Variants in SLC8A1 observed in about 807,000 individuals in gnomAD.
The protein encoded by SLC8A1 is sodium/calcium exchanger 1.
A neutral mutation model predicts 68.3 loss-of-function variants in SLC8A1; 18 were observed. The observed-to-expected ratio is 0.26, with a 90% CI of 0.18 to 0.39. The LOEUF is 0.39. Ranked by LOEUF, SLC8A1 falls within the 10% of genes least tolerant of loss-of-function variation. SLC8A1 has a pLI of 1.00. For missense variants in SLC8A1, 985 were observed against 1,156.7 expected (o/e 0.85, Z 2.15); for synonymous variants, 475 against 415.5 (o/e 1.14, Z -1.74).
intron 2 of SLC8A1, among the ~76,000 whole-genome samples, chr2:40,315,717 A>G (rs1240799883): frequency 1.3e-5 from 2 of 151,998 alleles, no homozygotes; most frequent in Non-Finnish European, 2.9e-5. Flanking sequence ...AAGTCTTTTC[A>G]TGTAGCTAAA....
chr2:40,504,024 T>A (rs1447637554), intron 1 of SLC8A1, among the ~76,000 whole-genome samples: 1 of 151,920 alleles, frequency 6.6e-6, no homozygotes, highest in Non-Finnish European at 1.5e-5. Flanking sequence ...AGAACAAAAC[T>A]GGAGGAATCA....
intron 1 of SLC8A1, among the ~76,000 whole-genome samples, chr2:40,465,274 G>A (rs1189236163): frequency 1.3e-5 from 2 of 152,088 alleles, no homozygotes; most frequent in Admixed American, 6.6e-5. Flanking sequence ...TAGCTTTCAA[G>A]TGTTTTACAG....
rs192292091 is a variant in SLC8A1 at position 40,443,338 on chromosome 2, T to A, written c.-25+8566A>T. 4.2e-3 allele frequency among the ~76,000 whole-genome samples: 640 copies of A among 152,146 alleles called. 2 individuals carry two copies. Among genetic ancestry groups the A allele is most frequent in the African/African-American group, 0.015 (614 of 41,498 alleles). ...GTAAAAATGTGACTATAAAACTAAGTAACAGAGGACTTCACCTACCAGAGT... is the reference window on the plus strand; with the variant it reads ...GTAAAAATGTGACTATAAAACTAAGAAACAGAGGACTTCACCTACCAGAGT... On this transcript the variant is annotated intron_variant, in intron 1 of 7. Transcript: ENST00000406785.
intron 2 of SLC8A1, among the ~76,000 whole-genome samples, chr2:40,403,446 C>T (rs1689356654): frequency 6.6e-6 from 1 of 152,178 alleles, no homozygotes; most frequent in African/African-American, 2.4e-5. Flanking sequence ...TTCTACACAA[C>T]AGGAGCTAAT....
chr2:40,220,265 T>G (rs1358569308), intron 2 of SLC8A1: 1 of 147,838 alleles, frequency 6.8e-6, no homozygotes, highest in Non-Finnish European at 1.5e-5. Context: ...AGAGAAAAAA[T>G]AAATTACAGC....
At chr2:40,318,542 T>A (rs184797121) in intron 2 of SLC8A1, among the ~76,000 whole-genome samples, 3 of 152,040 alleles carry the variant, frequency 2.0e-5, no homozygotes, top group African/African-American at 7.2e-5. Flanking sequence ...GACCAGTAAG[T>A]GATGAAACCA....
In SLC8A1 at chr2:40,332,518, C is replaced by A. The variant is rs552731626; in HGVS notation, c.1808+95955G>T. Among the ~76,000 whole-genome samples the A allele has an allele frequency of 1.1e-4, 16 of 152,292 alleles. No individual in the cohort carries two copies. The South Asian group carries it at 3.3e-3, about 32-fold the overall frequency. On this transcript the variant is annotated intron_variant, in intron 2 of 7. Transcript: ENST00000406785. Reference sequence around the variant, plus strand: ...TGAAAGAACTCCAGTCTTCCCTCAACTTCCTTATTCTGACCTTGTGCTCTA... The same window carrying A: ...TGAAAGAACTCCAGTCTTCCCTCAAATTCCTTATTCTGACCTTGTGCTCTA...
intron 2 of SLC8A1, among the ~76,000 whole-genome samples, chr2:40,312,792 T>C (rs1477431325): frequency 2.6e-5 from 4 of 152,102 alleles, no homozygotes; most frequent in Non-Finnish European, 1.5e-5. Flanking sequence ...TAGAAAACTA[T>C]AGATTAGTTT....
chr2:40,258,841 C>CA (rs1376981556), intron 2 of SLC8A1, among the ~76,000 whole-genome samples: 3 of 149,678 alleles, frequency 2.0e-5, no homozygotes, highest in South Asian at 2.1e-4. Flanking sequence ...GACTCCATCT[C>CA]AAAAAAACAA....
At chr2:40,135,184 C>G (rs1262390332) in intron 7 of SLC8A1, among the ~76,000 whole-genome samples, 1 of 152,152 alleles carries the variant, frequency 6.6e-6, no homozygotes, top group Non-Finnish European at 1.5e-5. Flanking sequence ...TCACATTGGT[C>G]TTGGTAAGAC....
intron 1 of SLC8A1, among the ~76,000 whole-genome samples, chr2:40,447,211 T>G (rs1185692550): frequency 6.6e-6 from 1 of 152,192 alleles, no homozygotes; most frequent in Non-Finnish European, 1.5e-5. Context: ...TAATACATAT[T>G]GCAGAATGAT....
chr2:40,497,376 A>G (rs1313183997), intron 1 of SLC8A1, among the ~76,000 whole-genome samples: 1 of 152,068 alleles, frequency 6.6e-6, no homozygotes, highest in Non-Finnish European at 1.5e-5. Flanking sequence ...AGTAAGATTG[A>G]TATACACCCT....
chr2:40,305,432 G>T (rs528817348), intron 2 of SLC8A1, among the ~76,000 whole-genome samples: 2 of 152,136 alleles, frequency 1.3e-5, no homozygotes, highest in Non-Finnish European at 2.9e-5. Context: ...AGTGTCTCTA[G>T]ACATTGCCAG....
At chr2:40,253,831 C>A (rs1255042696) in intron 2 of SLC8A1, among the ~76,000 whole-genome samples, 3 of 59,822 alleles carry the variant, frequency 5.0e-5, no homozygotes, top group African/African-American at 6.4e-5. Context: ...TGTCTGTCTC[C>A]AAAAAAAAAA....
chr2:40,419,776 A>G (rs1410073499), intron 2 of SLC8A1, among the ~76,000 whole-genome samples: 1 of 152,062 alleles, frequency 6.6e-6, no homozygotes, highest in African/African-American at 2.4e-5. Flanking sequence ...TTGCGTTCCC[A>G]CTTTTTCCTT....
At chr2:40,353,259 T>C (rs1239650665) in intron 2 of SLC8A1, among the ~76,000 whole-genome samples, 1 of 152,198 alleles carries the variant, frequency 6.6e-6, no homozygotes, top group Admixed American at 6.5e-5. Flanking sequence ...ACCATGTCTC[T>C]GAGCCTCCTT....
chr2:40,499,773 G>A (rs1380478943), intron 1 of SLC8A1, among the ~76,000 whole-genome samples: 2 of 152,018 alleles, frequency 1.3e-5, no homozygotes, highest in African/African-American at 2.4e-5. Flanking sequence ...TTCCATACAT[G>A]TCTCTGACTT....
At chr2:40,499,821 A>G (rs760819477) in intron 1 of SLC8A1, among the ~76,000 whole-genome samples, 2 of 152,090 alleles carry the variant, frequency 1.3e-5, no homozygotes, top group Non-Finnish European at 2.9e-5. Flanking sequence ...TTTTTCTGGA[A>G]CACAGTCTTT....
chr2:40,165,815 C>G (rs1005618530), intron 4 of SLC8A1, among the ~76,000 whole-genome samples: 3 of 152,148 alleles, frequency 2.0e-5, no homozygotes, highest in Non-Finnish European at 2.9e-5. Flanking sequence ...TCACAGTTGG[C>G]TCTCTCTTTG....
Sources: gnomAD v4.1 joint callset for allele counts (sites outside exome capture counted in the v4.1 genomes callset) on GRCh38, gnomAD v4.1.1 for gene constraint, MANE v1.5 for transcripts, NCBI Gene and HGNC (gene_info 2026-07-23, HGNC 2026-07-21) for gene names.